ARHGAP17: variants seen among roughly 807,000 people sequenced by gnomAD.
The protein encoded by ARHGAP17 is Rho GTPase activating protein 17.
A neutral mutation model predicts 99.5 loss-of-function variants in ARHGAP17; 57 were observed. The observed-to-expected ratio is 0.57, with a 90% CI of 0.46 to 0.71. ARHGAP17 has a LOEUF of 0.71. ARHGAP17 is among the 30% of genes least tolerant of loss of function. ARHGAP17 has a pLI of 0.00. For synonymous variants in ARHGAP17, 417 were observed against 429.6 expected, an observed-to-expected ratio of 0.97 and a Z score of 0.36; for missense variants, 1,000 against 1,122.4, an observed-to-expected ratio of 0.89 and a Z score of 1.56.
At chr16:24,935,389 C>T in intron 18 of ARHGAP17, 81 bp downstream of exon 18, 3 of 1,436,918 alleles carry the variant, frequency 2.1e-6, no homozygotes, top group Admixed American at 4.7e-5. Flanking sequence ...TGGCCACAAA[C>T]CTCACCATCT....
chr16:24,933,067 A>C (rs2051038730), intron 18 of ARHGAP17, among the ~76,000 whole-genome samples: 1 of 152,162 alleles, frequency 6.6e-6, no homozygotes, highest in African/African-American at 2.4e-5. Flanking sequence ...GAAGAGGGCC[A>C]GTGTTTGGTA....
chr16:24,923,719 C>CTT (rs558734178), intron 19 of ARHGAP17, among the ~76,000 whole-genome samples: 2 of 91,456 alleles, frequency 2.2e-5, no homozygotes, highest in African/African-American at 6.9e-5. Flanking sequence ...CCCTGTCTCT[C>CTT]TTTTTTTTAA....
chr16:24,995,500 C>A (rs2053167334), intron 1 of ARHGAP17, among the ~76,000 whole-genome samples: 2 of 152,120 alleles, frequency 1.3e-5, no homozygotes, highest in African/African-American at 2.4e-5. Flanking sequence ...TGGGGGAGAA[C>A]CCCACCCCAT....
At chr16:24,945,965 T>C (rs2051459645) in intron 14 of ARHGAP17, among the ~76,000 whole-genome samples, 1 of 152,212 alleles carries the variant, frequency 6.6e-6, no homozygotes, top group Non-Finnish European at 1.5e-5. Flanking sequence ...ACAGTATAAA[T>C]GTCAATGATT....
At chr16:24,997,292 T>C (rs2053223256) in intron 1 of ARHGAP17, among the ~76,000 whole-genome samples, 1 of 152,094 alleles carries the variant, frequency 6.6e-6, no homozygotes, top group Non-Finnish European at 1.5e-5. Flanking sequence ...TCATATTCTC[T>C]ATCATTAGCA....
rs68043853 is a variant in ARHGAP17 at position 24,944,269 on chromosome 16, C to CAA, written c.1242-409_1242-408dup. On this transcript the variant is annotated intron_variant, in intron 14 of 19. Transcript: ENST00000289968. ...CTAGTGACAGAGCGAAACTCTGTCT[C>CAA]AAAAAAAAAAAAAAAAAATCAAATT... 7.2e-3 allele frequency among the ~76,000 whole-genome samples: 642 copies of CAA among 89,576 alleles called. 5 individuals carry two copies. Among genetic ancestry groups the CAA allele is most frequent in the African/African-American group, 0.019 (614 of 31,776 alleles). 58.8% of individuals were successfully genotyped at this position (89,576 alleles called of 152,430 possible). A position where few individuals can be genotyped will look rare whatever the true frequency, so the allele number is the denominator to read the frequency against.
intron 19 of ARHGAP17, chr16:24,929,647 A>T: frequency 2.0e-6 from 2 of 988,006 alleles, no homozygotes; most frequent in Non-Finnish European, 1.2e-6. Context: ...CTGTGAGGGC[A>T]CTAGGAAGGG....
chr16:24,960,405 C>T (rs370316849), intron 7 of ARHGAP17, among the ~76,000 whole-genome samples: 80 of 152,008 alleles, frequency 5.3e-4, no homozygotes, highest in African/African-American at 1.8e-3. Context: ...ATTAGCCAGG[C>T]GTGGGGGCGG....
chr16:24,980,619 A>G (rs2052648599), intron 1 of ARHGAP17, among the ~76,000 whole-genome samples: 1 of 152,182 alleles, frequency 6.6e-6, no homozygotes, highest in Non-Finnish European at 1.5e-5. Context: ...AGGGAAGGGA[A>G]GCAGGGCCCC....
chr16:24,960,521 T>TG (rs2051957531), intron 7 of ARHGAP17, among the ~76,000 whole-genome samples: 1 of 151,948 alleles, frequency 6.6e-6, no homozygotes, highest in Non-Finnish European at 1.5e-5. Flanking sequence ...CACTCCAGCC[T>TG]GGCCGATAGA....
chr16:24,934,829 TGG>T (rs2051090515), intron 18 of ARHGAP17, among the ~76,000 whole-genome samples: 1 of 152,180 alleles, frequency 6.6e-6, no homozygotes, highest in African/African-American at 2.4e-5. Flanking sequence ...CAGAATGTTC[TGG>T]AAGCCCTAAG....
intron 19 of ARHGAP17, among the ~76,000 whole-genome samples, chr16:24,924,595 G>T (rs1222309164): frequency 6.6e-6 from 1 of 152,114 alleles, no homozygotes; most frequent in Non-Finnish European, 1.5e-5. Context: ...GGGTGTGGTA[G>T]CTCATGCCTG....
At chr16:24,961,277 T>C (rs2051989313) in intron 7 of ARHGAP17, among the ~76,000 whole-genome samples, 1 of 152,198 alleles carries the variant, frequency 6.6e-6, no homozygotes. Context: ...AGGAGGATAA[T>C]GGTAGAAGAA....
In ARHGAP17 at chr16:24,954,721, G is replaced by T. The variant is rs771333518; in HGVS notation, c.734C>A (p.Ala245Glu). ...GGGAGTCCCAAAGGCTGGTTTTTCCGCCCACTTATCTAGAGCAGCAAATTG... is the reference window on the plus strand; with the variant it reads ...GGGAGTCCCAAAGGCTGGTTTTTCCTCCCACTTATCTAGAGCAGCAAATTG... ...PEMRAHQDKW[A>E]EKPAFGTPLE... Residue 245 changes from alanine (A) to glutamate (E), a missense_variant, in exon 10 of 20, where the codon GCG becomes GAG. Physicochemically the swap from Ala to Glu is moderately radical, Grantham distance 107. Around this residue, in one of 2 missense-constraint regions of ARHGAP17, gnomAD observed 472 missense variants for 611.1 expected, o/e 0.77. Transcript: ENST00000289968. The T allele has an allele frequency of 1.9e-6, 3 of 1,613,616 alleles. No homozygotes were observed. Among genetic ancestry groups the T allele is most frequent in the Non-Finnish European group, 2.5e-6 (3 of 1,179,820 alleles).
chr16:24,995,194 G>A lies in ARHGAP17; in HGVS notation c.54-16189C>T, dbSNP rs537124007. On this transcript the variant is annotated intron_variant, in intron 1 of 19. Transcript: ENST00000289968. ...CTTCCACGACACGTGGGGATTATGG[G>A]AACTACAATTCAAGATGAGATTTGA... Among the ~76,000 whole-genome samples the A allele has an allele frequency of 1.3e-4, 20 of 152,298 alleles. No homozygotes were observed. The East Asian group carries it at 3.9e-3, about 29-fold the overall frequency.
intron 1 of ARHGAP17, among the ~76,000 whole-genome samples, chr16:24,998,799 G>A (rs978977761): frequency 1.8e-4 from 28 of 152,288 alleles, no homozygotes; most frequent in Middle Eastern, 6.8e-3. Flanking sequence ...CCGCAGAACA[G>A]GTGAAAGAAA....
At chr16:25,007,888 G>A (rs528466406) in intron 1 of ARHGAP17, among the ~76,000 whole-genome samples, 2 of 152,230 alleles carry the variant, frequency 1.3e-5, no homozygotes, top group South Asian at 2.1e-4. Flanking sequence ...CGTTCACCAT[G>A]GCAACAAGTG....
At chr16:24,943,005 G>A (rs548847137) in intron 15 of ARHGAP17, among the ~76,000 whole-genome samples, 2 of 152,164 alleles carry the variant, frequency 1.3e-5, no homozygotes, top group Non-Finnish European at 2.9e-5. Context: ...TCAGTGGTGA[G>A]GGAAAGATGG....
rs1026650854 is a variant in ARHGAP17, at chr16:24,959,696, G to C, written c.699C>G (p.Thr233=). The C allele has an allele frequency of 1.9e-6, 3 of 1,613,828 alleles. No individual in the cohort carries two copies. The highest frequency in any genetic ancestry group is 2.5e-6 in the Non-Finnish European group (3 of 1,180,006). The part of the protein sequence containing the change: ...HRKALAVLEK[T]LPEMRAHQDK... ...CTTGATGGGCTCGCATTTCGGGGAG[G>C]GTCTTTTCTAAGACTGCTAATGCTT... The change falls in exon 9 of 20, where the codon ACC becomes ACG. Residue 233 remains threonine, a synonymous_variant. Transcript: ENST00000289968.
Sources: allele counts gnomAD v4.1 joint callset (sites outside exome capture counted in the v4.1 genomes callset), GRCh38; gene constraint gnomAD v4.1.1; regional missense constraint gnomAD v4.1.1; transcripts MANE v1.5; gene names NCBI Gene and HGNC (gene_info 2026-07-23, HGNC 2026-07-21).